The following TMPRSS15 variants were observed in gnomAD, a reference collection of about 807,000 sequenced individuals.
The protein encoded by TMPRSS15 is enteropeptidase.
A neutral mutation model predicts 125.3 loss-of-function variants in TMPRSS15; 128 were observed. The observed-to-expected ratio is 1.02, with a 90% CI of 0.89 to 1.18. The LOEUF is 1.18. Among genes scored for constraint, TMPRSS15 ranks in the 50% most tolerant of loss-of-function variants. TMPRSS15 has a pLI of 0.00. For missense variants in TMPRSS15, 1,283 were observed against 1,212.7 expected (o/e 1.06, Z -0.86); for synonymous variants, 446 against 423.2 (o/e 1.05, Z -0.66).
rs557385310 is a variant in TMPRSS15 at position 18,425,178 on chromosome 21, C to T, written c.11-26849G>A. Reference sequence around the variant, plus strand: ...ACACCAAAATGTCTTCCAGAAAACTCTGGTAGAGTAGTTGCATGCCAACAG... The same window carrying T: ...ACACCAAAATGTCTTCCAGAAAACTTTGGTAGAGTAGTTGCATGCCAACAG... On this transcript the variant is annotated intron_variant, in intron 1 of 7. Transcript: ENST00000422787. Among the ~76,000 whole-genome samples, 41 of 151,982 alleles carry T rather than the reference C, an allele frequency of 2.7e-4. No individual in the cohort carries two copies. In the South Asian group the frequency reaches 8.5e-3, roughly 32 times the overall value.
intron 3 of TMPRSS15, among the ~76,000 whole-genome samples, chr21:18,396,767 C>T (rs2076041388): frequency 1.1e-5 from 1 of 92,356 alleles, no homozygotes; most frequent in Non-Finnish European, 2.2e-5. Context: ...GAATGAGACT[C>T]TGTCTCAAAA....
intron 6 of TMPRSS15, among the ~76,000 whole-genome samples, chr21:18,366,623 T>A (rs1344897882): frequency 6.6e-6 from 1 of 152,308 alleles, no homozygotes; most frequent in East Asian, 1.9e-4. Flanking sequence ...TCCACCTTGA[T>A]TTTCACAACT....
intron 1 of TMPRSS15, among the ~76,000 whole-genome samples, chr21:18,433,527 T>C (rs2076220842): frequency 6.6e-6 from 1 of 151,704 alleles, no homozygotes; most frequent in East Asian, 1.9e-4. Context: ...ACCCTGTCTC[T>C]AGAAAAAATA....
At chr21:18,378,920 A>G (rs2075867354) in intron 5 of TMPRSS15, among the ~76,000 whole-genome samples, 1 of 152,098 alleles carries the variant, frequency 6.6e-6, no homozygotes, top group Non-Finnish European at 1.5e-5. Context: ...AGCATGTCTA[A>G]CTTGTATGCA....
intron 4 of TMPRSS15, among the ~76,000 whole-genome samples, chr21:18,382,284 A>G (rs2075899983): frequency 6.6e-6 from 1 of 152,184 alleles, no homozygotes; most frequent in Non-Finnish European, 1.5e-5. Context: ...TGTTCTAGCT[A>G]ATAATAGCCA....
At chr21:18,328,206 A>C (rs532720402) in intron 15 of TMPRSS15, among the ~76,000 whole-genome samples, 1 of 152,108 alleles carries the variant, frequency 6.6e-6, no homozygotes, top group South Asian at 2.1e-4. Flanking sequence ...ATAGCACAAA[A>C]ATTTCCTCTA....
intron 1 of TMPRSS15, among the ~76,000 whole-genome samples, chr21:18,447,944 T>C (rs1366102401): frequency 2.0e-5 from 3 of 152,178 alleles, no homozygotes; most frequent in African/African-American, 7.2e-5. Flanking sequence ...TTAGAATGTC[T>C]GTTTTCAAAA....
At chr21:18,429,811 A>G (rs985001134) in intron 1 of TMPRSS15, among the ~76,000 whole-genome samples, 17 of 152,224 alleles carry the variant, frequency 1.1e-4, no homozygotes, top group Non-Finnish European at 1.9e-4. Context: ...GAGATTACTT[A>G]TACTATACTT....
At chr21:18,278,708 C>T (rs1221800300) in intron 23 of TMPRSS15, among the ~76,000 whole-genome samples, 1 of 151,994 alleles carries the variant, frequency 6.6e-6, no homozygotes, top group African/African-American at 2.4e-5. Flanking sequence ...GGCCACATTG[C>T]GAGACTCCGT....
intron 13 of TMPRSS15, among the ~76,000 whole-genome samples, chr21:18,333,690 G>T (rs965525608): frequency 1.3e-5 from 2 of 152,044 alleles, no homozygotes. Flanking sequence ...CCAACATTGC[G>T]CAGAAGCCAG....
chr21:18,449,111 T>C (rs186408167), intron 1 of TMPRSS15, among the ~76,000 whole-genome samples: 40 of 152,300 alleles, frequency 2.6e-4, no homozygotes, highest in Non-Finnish European at 5.3e-4. Flanking sequence ...TGTTGCTCAT[T>C]TTGTTCTTTC....
intron 1 of TMPRSS15, among the ~76,000 whole-genome samples, chr21:18,483,845 A>C (rs1303199020): frequency 6.6e-6 from 1 of 151,922 alleles, no homozygotes; most frequent in Non-Finnish European, 1.5e-5. Flanking sequence ...AATCAAACAG[A>C]GAGAATATAC....
intron 5 of TMPRSS15, among the ~76,000 whole-genome samples, chr21:18,375,637 G>A (rs2075834386): frequency 6.6e-6 from 1 of 152,016 alleles, no homozygotes; most frequent in South Asian, 2.1e-4. Flanking sequence ...TAATCTATGT[G>A]GTATTTTACC....
At chr21:18,371,047 T>TA (rs944948119) in intron 6 of TMPRSS15, among the ~76,000 whole-genome samples, 1 of 152,116 alleles carries the variant, frequency 6.6e-6, no homozygotes, top group Non-Finnish European at 1.5e-5. Flanking sequence ...AAATATCAGT[T>TA]AGACTTATCC....
chr21:18,452,075 A>T (rs1978348319), intron 1 of TMPRSS15, among the ~76,000 whole-genome samples: 1 of 152,170 alleles, frequency 6.6e-6, no homozygotes, highest in African/African-American at 2.4e-5. Flanking sequence ...AAATCAATGC[A>T]GGACTGAGAA....
At chr21:18,413,228 TTCC>T (rs2076170480) in intron 1 of TMPRSS15, among the ~76,000 whole-genome samples, 5 of 132,476 alleles carry the variant, frequency 3.8e-5, no homozygotes, top group South Asian at 3.0e-4. Context: ...TCTTCCTTCC[TTCC>T]TTTTCTCTCT....
chr21:18,473,530 CCTTT>C (rs1313411641), intron 1 of TMPRSS15, among the ~76,000 whole-genome samples: 3 of 151,980 alleles, frequency 2.0e-5, no homozygotes, highest in African/African-American at 7.2e-5. Context: ...TACTTTACTA[CCTTT>C]CTTTTTATTT....
At chr21:18,324,270 C>T (rs942070572) in intron 16 of TMPRSS15, among the ~76,000 whole-genome samples, 1 of 152,076 alleles carries the variant, frequency 6.6e-6, no homozygotes, top group Non-Finnish European at 1.5e-5. Flanking sequence ...TTCCTGCATG[C>T]CCATTACAGA....
intron 1 of TMPRSS15, among the ~76,000 whole-genome samples, chr21:18,443,852 T>C (rs965659795): frequency 3.3e-5 from 5 of 152,176 alleles, no homozygotes; most frequent in African/African-American, 1.2e-4. Flanking sequence ...AGTACCGCTT[T>C]TGTGTGAACT....
Sources: allele counts gnomAD v4.1 joint callset (sites outside exome capture counted in the v4.1 genomes callset), GRCh38; gene constraint gnomAD v4.1.1; transcripts MANE v1.5; gene names NCBI Gene and HGNC (gene_info 2026-07-23, HGNC 2026-07-21).